The following FMN1 variants were observed in gnomAD, a reference collection of about 807,000 sequenced individuals.
The protein encoded by FMN1 is formin-1.
In FMN1, 110 loss-of-function variants were observed where a neutral mutation model predicts 132.4. The ratio of observed to expected loss-of-function variants is 0.83; its 90% confidence interval spans 0.71 to 0.97. The LOEUF is 0.97. Ranked by LOEUF, FMN1 falls within the 50% of genes least tolerant of loss-of-function variation. The probability of loss-of-function intolerance (pLI) is 0.00; values close to 1 mark genes in which losing one functional copy is unlikely to be tolerated. For missense variants in FMN1, 1,792 were observed against 1,705.3 expected, an observed-to-expected ratio of 1.05 and a Z score of -0.90; for synonymous variants, 722 against 651.7, an observed-to-expected ratio of 1.11 and a Z score of -1.64.
At chr15:32,939,386 A>G (rs1484024417) in intron 9 of FMN1, among the ~76,000 whole-genome samples, 3 of 152,220 alleles carry the variant, frequency 2.0e-5, no homozygotes, top group Non-Finnish European at 4.4e-5. Flanking sequence ...AAAAGACAAG[A>G]GTGAAGAAAA....
At chr15:33,076,758 T>TA (rs912255144) in intron 5 of FMN1, among the ~76,000 whole-genome samples, 5 of 151,922 alleles carry the variant, frequency 3.3e-5, no homozygotes, top group African/African-American at 1.2e-4. Flanking sequence ...TGACAATAAA[T>TA]AAAAAAAACT....
At chr15:32,963,585 C>T (rs146907592) in intron 9 of FMN1, among the ~76,000 whole-genome samples, 97 of 152,078 alleles carry the variant, frequency 6.4e-4, no homozygotes, top group African/African-American at 2.3e-3. Context: ...TTAATAGCCA[C>T]GTTACCATAC....
intron 4 of FMN1, among the ~76,000 whole-genome samples, chr15:33,131,842 T>C (rs1181189290): frequency 6.6e-6 from 1 of 152,210 alleles, no homozygotes; most frequent in Non-Finnish European, 1.5e-5. Context: ...ACCATGCTAT[T>C]AAATGCTGTT....
At chr15:32,776,725 A>C in intron 20 of FMN1, 110 bp downstream of exon 20, 1 of 558,580 alleles carries the variant, frequency 1.8e-6, no homozygotes, top group Non-Finnish European at 3.1e-6. Flanking sequence ...CTACTCTGGG[A>C]TGGGAACTGA....
intron 12 of FMN1, among the ~76,000 whole-genome samples, chr15:32,902,958 T>C (rs2060333205): frequency 6.6e-6 from 1 of 152,244 alleles, no homozygotes; most frequent in South Asian, 2.1e-4. Flanking sequence ...CTTGGTCAAC[T>C]CATAACGTCA....
chr15:32,792,371 G>C (rs1359406666), intron 19 of FMN1, among the ~76,000 whole-genome samples: 2 of 151,828 alleles, frequency 1.3e-5, no homozygotes, highest in Non-Finnish European at 2.9e-5. Context: ...CATGAACCCG[G>C]AAGGTGGAGC....
At chr15:33,095,306 C>T (rs559771084) in intron 4 of FMN1, among the ~76,000 whole-genome samples, 1 of 152,216 alleles carries the variant, frequency 6.6e-6, no homozygotes, top group African/African-American at 2.4e-5. Context: ...CGAGATTGTG[C>T]CACTGCACTC....
chr15:33,019,561 C>T (rs1383068571), intron 6 of FMN1, among the ~76,000 whole-genome samples: 4 of 152,184 alleles, frequency 2.6e-5, no homozygotes, highest in Non-Finnish European at 2.9e-5. Flanking sequence ...GCTCTGGCAG[C>T]GCAGAAGCCC....
chr15:32,796,634 A>G (rs1263942348), intron 19 of FMN1, among the ~76,000 whole-genome samples: 1 of 152,214 alleles, frequency 6.6e-6, no homozygotes, highest in Admixed American at 6.5e-5. Context: ...ATTCCAGTTA[A>G]TTTGCTTATT....
chr15:33,128,841 A>G (rs913346069), intron 4 of FMN1, among the ~76,000 whole-genome samples: 26 of 152,260 alleles, frequency 1.7e-4, no homozygotes, highest in Admixed American at 2.0e-4. Flanking sequence ...GCAATGCGGA[A>G]GACAACCGGA....
intron 6 of FMN1, among the ~76,000 whole-genome samples, chr15:33,049,422 T>TA (rs1185687154): frequency 6.6e-6 from 1 of 152,210 alleles, no homozygotes; most frequent in African/African-American, 2.4e-5. Flanking sequence ...CATAAGGGGA[T>TA]ACCCTCTACT....
chr15:32,841,347 T>C (rs1388735869), intron 17 of FMN1, among the ~76,000 whole-genome samples: 2 of 152,218 alleles, frequency 1.3e-5, no homozygotes, highest in Non-Finnish European at 2.9e-5. Context: ...AAGTAAGGCT[T>C]GTATTTCAGA....
chr15:32,994,193 T>C (rs1174336073), intron 7 of FMN1, among the ~76,000 whole-genome samples: 3 of 138,142 alleles, frequency 2.2e-5, no homozygotes, highest in Non-Finnish European at 4.9e-5. Context: ...ATGCAATAAA[T>C]TGTTGAATAG....
intron 7 of FMN1, among the ~76,000 whole-genome samples, chr15:33,007,553 A>C (rs1463646603): frequency 6.6e-6 from 1 of 152,096 alleles, no homozygotes; most frequent in Non-Finnish European, 1.5e-5. Context: ...AAGGGCTCAG[A>C]ACTCCTCCTC....
rs2059912777 is a variant in FMN1, at chr15:32,887,052, G to C, written c.3835+1120C>G. On this transcript the variant is annotated intron_variant, in intron 16 of 20. Coordinates refer to ENST00000616417, the MANE Select transcript of FMN1 (RefSeq NM_001277313.2). ...ATATACAAGATAAAAATATTCACCT[G>C]TAACCATTATCCTTTCCATGTAAGT... is the stretch of plus-strand genomic sequence containing the variant. Among the ~76,000 whole-genome samples, 6 of 152,176 alleles carry C rather than the reference G, an allele frequency of 3.9e-5. No homozygotes were observed. The South Asian group carries it at 1.2e-3, about 32-fold the overall frequency.
chr15:33,086,184 G>A (rs2038684484), intron 5 of FMN1, among the ~76,000 whole-genome samples: 1 of 151,720 alleles, frequency 6.6e-6, no homozygotes, highest in Non-Finnish European at 1.5e-5. Context: ...CCAGGAGGCG[G>A]AGGTTGCAGT....
intron 5 of FMN1, among the ~76,000 whole-genome samples, chr15:33,074,185 G>C (rs367942664): frequency 6.6e-6 from 1 of 152,340 alleles, no homozygotes; most frequent in South Asian, 2.1e-4. Context: ...CTGCTATGCT[G>C]TGGGATCTTA....
intron 5 of FMN1, among the ~76,000 whole-genome samples, chr15:33,068,386 A>C (rs2037847015): frequency 6.6e-6 from 1 of 152,194 alleles, no homozygotes; most frequent in South Asian, 2.1e-4. Context: ...GCCACTGCCC[A>C]GAGCAGCCTA....
rs1360335841 is a variant in FMN1 at position 32,771,974 on chromosome 15, T to C, written c.*2336A>G. 2 of 152,108 alleles carry C rather than the reference T, an allele frequency of 1.3e-5. No individual in the cohort carries two copies. The highest frequency in any genetic ancestry group is 2.9e-5 in the Non-Finnish European group (2 of 68,018). 9.4% of individuals were successfully genotyped at this position (152,108 alleles called of 1,614,324 possible). On this transcript the variant is annotated 3_prime_UTR_variant, in exon 21 of 21. Coordinates refer to ENST00000616417, the MANE Select transcript of FMN1 (RefSeq NM_001277313.2). Reference sequence around the variant, plus strand: ...CAGGGTTCAGAATAGGTGAGAATAATGAAGATTCTGCCATGGTGTCTTACA... The same window carrying C: ...CAGGGTTCAGAATAGGTGAGAATAACGAAGATTCTGCCATGGTGTCTTACA...
Sources: gnomAD v4.1 joint callset for allele counts (sites outside exome capture counted in the v4.1 genomes callset) on GRCh38, gnomAD v4.1.1 for gene constraint, MANE v1.5 for transcripts, NCBI Gene and HGNC (gene_info 2026-07-23, HGNC 2026-07-21) for gene names.